RSU1: variants seen among roughly 807,000 people sequenced by gnomAD.
RSU1 encodes the protein Ras suppressor protein 1.
Under a neutral mutation model 31.1 loss-of-function variants are expected in RSU1, and 26 were observed. The ratio of observed to expected loss-of-function variants is 0.84; its 90% CI spans 0.61 to 1.16. The LOEUF (loss-of-function observed/expected upper bound fraction) is 1.16, where lower values mean the gene tolerates loss of function less well. Among genes scored for constraint, RSU1 ranks in the 50% most tolerant of loss-of-function variants. The pLI is 0.00. For missense variants in RSU1, 320 were observed against 339.1 expected (o/e 0.94, Z 0.44); for synonymous variants, 164 against 136.3 (o/e 1.20, Z -1.41).
chr10:16,750,739 A>C (rs1836960519), intron 7 of RSU1, among the ~76,000 whole-genome samples: 1 of 152,146 alleles, frequency 6.6e-6, no homozygotes, highest in African/African-American at 2.4e-5. Flanking sequence ...AGAAGAATTC[A>C]CCTCACACAT....
intron 8 of RSU1, among the ~76,000 whole-genome samples, chr10:16,604,935 G>A (rs1588670174): frequency 6.6e-6 from 1 of 152,172 alleles, no homozygotes; most frequent in Admixed American, 6.5e-5. Flanking sequence ...GAAGTAGGAA[G>A]GATGAGCCCA....
At chr10:16,715,873 T>C (rs1302643829) in intron 7 of RSU1, among the ~76,000 whole-genome samples, 1 of 152,236 alleles carries the variant, frequency 6.6e-6, no homozygotes, top group Admixed American at 6.5e-5. Flanking sequence ...GTGCATTAAA[T>C]CTACAGATTG....
chr10:16,618,824 T>C (rs772433148), intron 8 of RSU1, among the ~76,000 whole-genome samples: 4 of 151,804 alleles, frequency 2.6e-5, no homozygotes, highest in Non-Finnish European at 4.4e-5. Flanking sequence ...CTGGGGCCCG[T>C]GGTGGGGTAG....
chr10:16,738,282 T>C (rs886675590), intron 7 of RSU1, among the ~76,000 whole-genome samples: 1 of 148,466 alleles, frequency 6.7e-6, no homozygotes, highest in African/African-American at 2.5e-5. Context: ...CCGTCTCTAC[T>C]AAAAAAAAAA....
At chr10:16,669,674 T>C (rs922419290) in intron 8 of RSU1, among the ~76,000 whole-genome samples, 1 of 152,152 alleles carries the variant, frequency 6.6e-6, no homozygotes, top group Non-Finnish European at 1.5e-5. Context: ...TGAGAACATG[T>C]GGTGTTTGGT....
rs200600927 is a variant in RSU1 at position 16,752,565 on chromosome 10, C to T, written c.572G>A (p.Arg191His). The change falls in exon 7 of 9, where the codon CGC becomes CAC. Residue 191 changes from arginine (R) to histidine (H), a missense_variant. Physicochemically the swap from Arg to His is conservative, Grantham distance 29 (BLOSUM62 0). Coordinates refer to ENST00000345264, the MANE Select transcript of RSU1 (RefSeq NM_012425.4). ...QLKELHIQGN[R>H]LTVLPPELGN... Reference sequence around the variant, plus strand: ...TAGTTCTGGGGGCAGAACGGTGAGGCGGTTCCCCTGAATGTGGAGCTCTTT... The same window carrying T: ...TAGTTCTGGGGGCAGAACGGTGAGGTGGTTCCCCTGAATGTGGAGCTCTTT... The T allele has an allele frequency of 9.3e-6, 15 of 1,613,956 alleles. No homozygotes were observed. Among genetic ancestry groups the T allele is most frequent in the East Asian group, 2.2e-5 (1 of 44,882 alleles).
intron 7 of RSU1, chr10:16,748,482 G>A (rs1471040578): frequency 6.6e-6 from 1 of 152,192 alleles, no homozygotes; most frequent in African/African-American, 2.4e-5. Flanking sequence ...AGACTACAAA[G>A]TCCATAAGCA....
chr10:16,621,015 A>T (rs1435705952), intron 8 of RSU1, among the ~76,000 whole-genome samples: 1 of 152,182 alleles, frequency 6.6e-6, no homozygotes, highest in East Asian at 1.9e-4. Context: ...CTGCGTACTT[A>T]ACCAAGTAAC....
At chr10:16,772,971 C>A (rs1250578101) in intron 3 of RSU1, among the ~76,000 whole-genome samples, 1 of 152,120 alleles carries the variant, frequency 6.6e-6, no homozygotes, top group Non-Finnish European at 1.5e-5. Flanking sequence ...CTTTGAGAGG[C>A]CGAGGTGGGT....
At position 16,814,470 on chromosome 10, in the gene RSU1, A is replaced by AAG. The variant is rs1554777380; in HGVS notation, c.109+2502_109+2503insCT. On this transcript the variant is annotated intron_variant, in intron 2 of 8. Coordinates refer to ENST00000345264, the MANE Select transcript of RSU1 (RefSeq NM_012425.4). Reference sequence around the variant, plus strand: ...TTTCAGGAAAAAAAAAAAAAAAAAGAAAAAAAAATTCTTACACTTATAATT... The same window carrying AAG: ...TTTCAGGAAAAAAAAAAAAAAAAAGAAGAAAAAAAATTCTTACACTTATAATT... Among the ~76,000 whole-genome samples, 474 of 136,766 alleles carry AAG rather than the reference A, an allele frequency of 3.5e-3. 4 individuals carry two copies. The highest frequency in any genetic ancestry group is 0.013 in the African/African-American group (433 of 33,906). The allele number at this position is 136,766 out of a possible 152,430, so 89.7% of individuals were successfully genotyped here.
chr10:16,632,433 C>A (rs1365590432), intron 8 of RSU1, among the ~76,000 whole-genome samples: 1 of 152,036 alleles, frequency 6.6e-6, no homozygotes, highest in African/African-American at 2.4e-5. Flanking sequence ...ATAAGTTGGA[C>A]GTGTCTTACA....
intron 8 of RSU1, among the ~76,000 whole-genome samples, chr10:16,687,063 A>G (rs186891457): frequency 6.6e-6 from 1 of 152,352 alleles, no homozygotes; most frequent in Non-Finnish European, 1.5e-5. Context: ...TTAGAGGACC[A>G]GAGGGAAGTA....
chr10:16,609,449 C>T (rs1254722642), intron 8 of RSU1, among the ~76,000 whole-genome samples: 2 of 152,242 alleles, frequency 1.3e-5, no homozygotes, highest in Admixed American at 6.5e-5. Flanking sequence ...CTAAGAATCT[C>T]ACCCACAAAA....
chr10:16,749,741 G>C (rs945994598), intron 7 of RSU1, among the ~76,000 whole-genome samples: 1 of 152,180 alleles, frequency 6.6e-6, no homozygotes, highest in East Asian at 1.9e-4. Flanking sequence ...TCTCAGCTGC[G>C]TTTTGCAAAG....
intron 8 of RSU1, among the ~76,000 whole-genome samples, chr10:16,620,916 A>C (rs189852895): frequency 4.6e-5 from 7 of 152,040 alleles, no homozygotes; most frequent in Admixed American, 4.6e-4. Flanking sequence ...TCTTCTTTCC[A>C]TTTTGAACAA....
At chr10:16,809,751 A>AAAT (rs1235909981) in intron 2 of RSU1, among the ~76,000 whole-genome samples, 1 of 152,214 alleles carries the variant, frequency 6.6e-6, no homozygotes, top group Non-Finnish European at 1.5e-5. Context: ...ATTTATGAAT[A>AAAT]AATAATACAG....
intron 7 of RSU1, among the ~76,000 whole-genome samples, chr10:16,751,014 C>T (rs1220451942): frequency 1.3e-5 from 2 of 152,032 alleles, no homozygotes; most frequent in Admixed American, 1.3e-4. Context: ...TACAGGCATG[C>T]ACCACCACGT....
intron 8 of RSU1, among the ~76,000 whole-genome samples, chr10:16,670,238 T>C (rs1217929767): frequency 6.6e-6 from 1 of 152,212 alleles, no homozygotes; most frequent in African/African-American, 2.4e-5. Flanking sequence ...CAAACTTGGC[T>C]TGGTGCCTAA....
chr10:16,772,293 C>T (rs1239425624), intron 3 of RSU1, among the ~76,000 whole-genome samples: 1 of 152,146 alleles, frequency 6.6e-6, no homozygotes, highest in African/African-American at 2.4e-5. Flanking sequence ...TCCTAAAAAG[C>T]TGACAAGTAT....
Sources: allele counts gnomAD v4.1 joint callset (sites outside exome capture counted in the v4.1 genomes callset), GRCh38; gene constraint gnomAD v4.1.1; transcripts MANE v1.5; gene names NCBI Gene and HGNC (gene_info 2026-07-23, HGNC 2026-07-21).